MACROD2: variants seen among roughly 807,000 people sequenced by gnomAD.
MACROD2 encodes ADP-ribose glycohydrolase MACROD2.
In MACROD2, 36 loss-of-function variants were observed where a neutral mutation model predicts 70.4. The observed-to-expected ratio is 0.51, with a 90% CI of 0.39 to 0.68. MACROD2 has a LOEUF of 0.68. Among genes scored for constraint, MACROD2 ranks in the 30% least tolerant of loss-of-function variants. MACROD2 has a pLI of 0.00. For missense variants in MACROD2, 496 were observed against 538.4 expected, an observed-to-expected ratio of 0.92 and a Z score of 0.78; for synonymous variants, 172 against 178.8, an observed-to-expected ratio of 0.96 and a Z score of 0.30.
At chr20:14,725,237 A>G (rs2071514927) in intron 5 of MACROD2, among the ~76,000 whole-genome samples, 1 of 152,176 alleles carries the variant, frequency 6.6e-6, no homozygotes, top group Non-Finnish European at 1.5e-5. Flanking sequence ...CAGCTACTTC[A>G]GGGTATTAAG....
chr20:15,064,998 T>G (rs1173063733), intron 5 of MACROD2, among the ~76,000 whole-genome samples: 3 of 152,184 alleles, frequency 2.0e-5, no homozygotes, highest in Non-Finnish European at 4.4e-5. Context: ...ACGTACATTA[T>G]CTTATACTGC....
At chr20:14,190,167 T>TCTAA (rs2081373215) in intron 3 of MACROD2, among the ~76,000 whole-genome samples, 1 of 152,224 alleles carries the variant, frequency 6.6e-6, no homozygotes, top group Admixed American at 6.5e-5. Flanking sequence ...ACTTTACTTC[T>TCTAA]TTAGGCTCTA....
chr20:15,313,922 G>C (rs1244391414), intron 6 of MACROD2, among the ~76,000 whole-genome samples: 3 of 152,024 alleles, frequency 2.0e-5, no homozygotes, highest in African/African-American at 7.2e-5. Flanking sequence ...TCCCATAATT[G>C]TGTTATTATT....
At chr20:15,374,167 C>CTA (rs947241991) in intron 6 of MACROD2, among the ~76,000 whole-genome samples, 7 of 151,598 alleles carry the variant, frequency 4.6e-5, no homozygotes, top group African/African-American at 7.3e-5. Flanking sequence ...TGTATAATTT[C>CTA]TATATATATA....
intron 5 of MACROD2, among the ~76,000 whole-genome samples, chr20:14,887,684 G>GTTGA: frequency 6.6e-6 from 1 of 152,090 alleles, no homozygotes; most frequent in East Asian, 1.9e-4. Flanking sequence ...CACCGTGGCT[G>GTTGA]GCCATGTTGA....
intron 5 of MACROD2, among the ~76,000 whole-genome samples, chr20:14,780,271 G>A (rs2072283591): frequency 6.6e-6 from 1 of 151,014 alleles, no homozygotes; most frequent in Non-Finnish European, 1.5e-5. Flanking sequence ...GCTCTTAAAA[G>A]TGAAAACACG....
At chr20:14,705,104 T>A (rs1404778461) in intron 5 of MACROD2, among the ~76,000 whole-genome samples, 1 of 152,094 alleles carries the variant, frequency 6.6e-6, no homozygotes, top group Non-Finnish European at 1.5e-5. Flanking sequence ...ACAAGAGCAA[T>A]TATATCTACT....
At chr20:15,383,396 A>C (rs2045670377) in intron 6 of MACROD2, among the ~76,000 whole-genome samples, 2 of 152,324 alleles carry the variant, frequency 1.3e-5, no homozygotes, top group South Asian at 4.1e-4. Flanking sequence ...TTGAAGTTGC[A>C]TGACTCAAGT....
chr20:14,580,175 G>T (rs1416616695), intron 4 of MACROD2, among the ~76,000 whole-genome samples: 1 of 152,192 alleles, frequency 6.6e-6, no homozygotes, highest in Non-Finnish European at 1.5e-5. Context: ...CAGTTACATA[G>T]ATGGAGACCA....
chr20:16,015,977 A>G (rs1309004842), intron 15 of MACROD2, among the ~76,000 whole-genome samples: 1 of 152,066 alleles, frequency 6.6e-6, no homozygotes, highest in African/African-American at 2.4e-5. Flanking sequence ...GAGGGAACTT[A>G]TAGATTATCC....
intron 8 of MACROD2, among the ~76,000 whole-genome samples, chr20:15,592,043 T>G (rs2048687511): frequency 6.6e-6 from 1 of 152,162 alleles, no homozygotes; most frequent in African/African-American, 2.4e-5. Context: ...ACCATCTCGG[T>G]CAAGTGTAAG....
At chr20:14,096,451 CCT>C (rs1189505598) in intron 3 of MACROD2, among the ~76,000 whole-genome samples, 1 of 146,018 alleles carries the variant, frequency 6.8e-6, no homozygotes, top group African/African-American at 2.6e-5. Flanking sequence ...ACCACAATAT[CCT>C]CCTCCCCAGT....
intron 5 of MACROD2, chr20:14,757,415 A>G: frequency 2.7e-6 from 1 of 373,436 alleles, no homozygotes; most frequent in Non-Finnish European, 4.9e-6. Context: ...TAGAAGAGTA[A>G]ATTTCATTTA....
At chr20:15,001,360 G>A (rs1161730333) in intron 5 of MACROD2, among the ~76,000 whole-genome samples, 1 of 152,078 alleles carries the variant, frequency 6.6e-6, no homozygotes, top group Non-Finnish European at 1.5e-5. Flanking sequence ...CTATCCAAAG[G>A]ATAAAAGAAA....
chr20:15,267,781 G>T (rs2077309165), intron 6 of MACROD2, among the ~76,000 whole-genome samples: 1 of 152,142 alleles, frequency 6.6e-6, no homozygotes, highest in Non-Finnish European at 1.5e-5. Flanking sequence ...ACGGGGCCTT[G>T]GGAAGTTCCT....
intron 5 of MACROD2, among the ~76,000 whole-genome samples, chr20:14,751,042 T>G (rs2071863138): frequency 6.6e-6 from 1 of 152,140 alleles, no homozygotes; most frequent in South Asian, 2.1e-4. Context: ...AGATCTTATA[T>G]CGCTTATATA....
chr20:14,430,464 A>T (rs1048603074), intron 3 of MACROD2, among the ~76,000 whole-genome samples: 1 of 152,190 alleles, frequency 6.6e-6, no homozygotes, highest in Non-Finnish European at 1.5e-5. Context: ...AATCGGTTTG[A>T]TATGGATGCC....
chr20:15,627,247 A>C (rs1465465400), intron 8 of MACROD2, among the ~76,000 whole-genome samples: 1 of 150,414 alleles, frequency 6.6e-6, no homozygotes, highest in African/African-American at 2.5e-5. Context: ...AAAAAAAAAA[A>C]ACTGGGACCA....
rs76719246 is a variant in MACROD2 at position 14,940,360 on chromosome 20, G to A, written c.418+255401G>A. Among the ~76,000 whole-genome samples, 1,081 of 151,836 alleles carry A rather than the reference G, an allele frequency of 7.1e-3. 13 individuals carry two copies. Among genetic ancestry groups the A allele is most frequent in the African/African-American group, 0.024 (1,005 of 41,436 alleles). ...AAAACAAAACAAAACAATCATACAC[G>A]CAAACACAAACCAATCTGGATGTCT... On this transcript the variant is annotated intron_variant, in intron 5 of 17. Transcript: ENST00000684519.
Sources: gnomAD v4.1 joint callset for allele counts (sites outside exome capture counted in the v4.1 genomes callset) on GRCh38, gnomAD v4.1.1 for gene constraint, MANE v1.5 for transcripts, NCBI Gene and HGNC (gene_info 2026-07-23, HGNC 2026-07-21) for gene names.